Variants in GOLGA1 observed in about 807,000 individuals in gnomAD.
GOLGA1 encodes the protein golgin subfamily A member 1.
GOLGA1 carries 63 observed loss-of-function variants against 119.7 expected under a neutral mutation model. The observed-to-expected ratio is 0.53, with a 90% CI of 0.43 to 0.65. GOLGA1 has a LOEUF of 0.65. Among genes scored for constraint, GOLGA1 ranks in the 30% least tolerant of loss-of-function variants. The pLI is 0.00. For synonymous variants in GOLGA1, 318 were observed against 333.4 expected, an observed-to-expected ratio of 0.95 and a Z score of 0.50; for missense variants, 798 against 912.8, an observed-to-expected ratio of 0.87 and a Z score of 1.62.
intron 11 of GOLGA1, 40 bp downstream of exon 11, chr9:124,911,861 C>T (rs765770154): frequency 5.7e-6 from 9 of 1,586,454 alleles, no homozygotes; most frequent in African/African-American, 1.3e-5. Flanking sequence ...ATCAACCCTG[C>T]CTTTCCAACA....
At chr9:124,912,772 G>A (rs1794562029) in intron 10 of GOLGA1, among the ~76,000 whole-genome samples, 1 of 152,112 alleles carries the variant, frequency 6.6e-6, no homozygotes, top group Non-Finnish European at 1.5e-5. Flanking sequence ...TCAATCTCCT[G>A]TCCTCATGAT....
At chr9:124,943,466 C>G (rs1032563839), upstream of GOLGA1, 4 of 152,170 alleles carry the variant, frequency 2.6e-5, no homozygotes, top group Admixed American at 6.5e-5. Flanking sequence ...ATTAGCAGCA[C>G]TTGGATAAGA....
At chr9:124,906,437 A>G (rs1830234025) in intron 12 of GOLGA1, among the ~76,000 whole-genome samples, 1 of 150,624 alleles carries the variant, frequency 6.6e-6, no homozygotes. Flanking sequence ...TCTCAAAAAA[A>G]AAGAAAGATT....
chr9:124,937,223 G>A (rs1052716967), intron 3 of GOLGA1, among the ~76,000 whole-genome samples: 2 of 152,114 alleles, frequency 1.3e-5, no homozygotes, highest in South Asian at 2.1e-4. Flanking sequence ...GGAGACCGAC[G>A]CGGGAGGATC....
chr9:124,880,438 C>G lies in GOLGA1; in HGVS notation c.*92G>C, dbSNP rs1439158956. 5 of 750,648 alleles carry G rather than the reference C, an allele frequency of 6.7e-6. No homozygotes were observed. The highest frequency in any genetic ancestry group is 1.7e-5 in the African/African-American group (1 of 58,070). The allele number at this position is 750,648 out of a possible 1,614,324, so 46.5% of individuals were successfully genotyped here. A position where few individuals can be genotyped will look rare whatever the true frequency, so the allele number is the denominator to read the frequency against. ...ACACTTGTACAAAATACTGCAGTTA[C>G]AGTGATTAAAAACCCACCCAGACTG... On this transcript the variant is annotated 3_prime_UTR_variant, in exon 23 of 23. Transcript: ENST00000373555.
chr9:124,899,256 C>A, intron 14 of GOLGA1, 73 bp downstream of exon 14: 2 of 1,406,184 alleles, frequency 1.4e-6, no homozygotes, highest in Non-Finnish European at 9.6e-7. Flanking sequence ...GACACACTGT[C>A]AAGCACGAGG....
intron 15 of GOLGA1, among the ~76,000 whole-genome samples, chr9:124,892,682 C>T (rs948246646): frequency 1.3e-5 from 2 of 151,988 alleles, no homozygotes; most frequent in Admixed American, 1.3e-4. Flanking sequence ...CCTGTAATCC[C>T]AGCACTTTGG....
At chr9:124,922,333 G>A (rs1234225975) in intron 8 of GOLGA1, among the ~76,000 whole-genome samples, 2 of 151,560 alleles carry the variant, frequency 1.3e-5, no homozygotes, top group Admixed American at 6.6e-5. Flanking sequence ...CATGCATATC[G>A]TTTAAGCCCA....
At chr9:124,919,258 AAAAAGAAAAAAAAG>A (rs891525537) in intron 10 of GOLGA1, among the ~76,000 whole-genome samples, 3 of 152,162 alleles carry the variant, frequency 2.0e-5, no homozygotes, top group Admixed American at 6.5e-5. Context: ...GTGTCTCAAA[AAAAAGAAAAAAAAG>A]AAAAGAAAAA....
At chr9:124,909,903 T>A (rs1830308725) in intron 11 of GOLGA1, among the ~76,000 whole-genome samples, 2 of 152,100 alleles carry the variant, frequency 1.3e-5, no homozygotes, top group Non-Finnish European at 2.9e-5. Context: ...TAGCTGGAAT[T>A]ACAGGCACCC....
intron 14 of GOLGA1, 56 bp from the exon 15 acceptor site, chr9:124,898,700 G>C: frequency 9.8e-7 from 1 of 1,019,058 alleles, no homozygotes; most frequent in Non-Finnish European, 1.5e-6. Context: ...ATTTCCCTGG[G>C]CACAGGGAGC....
intron 19 of GOLGA1, among the ~76,000 whole-genome samples, chr9:124,887,799 C>T (rs1178987215): frequency 1.3e-5 from 2 of 152,174 alleles, no homozygotes; most frequent in Non-Finnish European, 2.9e-5. Context: ...TATTGAGCCT[C>T]TACCAAATAC....
chr9:124,923,714 C>T (rs1048626587), intron 7 of GOLGA1, among the ~76,000 whole-genome samples: 12 of 151,260 alleles, frequency 7.9e-5, no homozygotes, highest in African/African-American at 2.9e-4. Context: ...ATCTTGAACT[C>T]CTGGCCTCAA....
At chr9:124,924,191 C>T (rs1588090362) in intron 7 of GOLGA1, among the ~76,000 whole-genome samples, 1 of 152,156 alleles carries the variant, frequency 6.6e-6, no homozygotes, top group East Asian at 1.9e-4. Flanking sequence ...ACACACTGAA[C>T]TGGCTGAAAA....
At chr9:124,886,278 C>A (rs1045646419) in intron 19 of GOLGA1, among the ~76,000 whole-genome samples, 1 of 152,174 alleles carries the variant, frequency 6.6e-6, no homozygotes, top group African/African-American at 2.4e-5. Flanking sequence ...CAGAGAAGAG[C>A]TGTGAGGGCT....
chr9:124,941,121 G>C (rs950808418), upstream of GOLGA1: 1 of 151,900 alleles, frequency 6.6e-6, no homozygotes, highest in African/African-American at 2.4e-5. Context: ...CTGCGCGGTG[G>C]GGGGAGGGGG....
intron 7 of GOLGA1, among the ~76,000 whole-genome samples, chr9:124,926,148 G>A (rs112357515): frequency 3.2e-4 from 48 of 152,302 alleles, no homozygotes; most frequent in South Asian, 2.3e-3. Context: ...TCAAAGCTGT[G>A]GGATGGGTAA....
At chr9:124,903,935 C>T (rs1054326670) in intron 12 of GOLGA1, among the ~76,000 whole-genome samples, 9 of 151,606 alleles carry the variant, frequency 5.9e-5, no homozygotes, top group Admixed American at 4.6e-4. Context: ...TGTAGGCGCG[C>T]GCCTGTAGTC....
intron 12 of GOLGA1, among the ~76,000 whole-genome samples, chr9:124,903,651 C>CAAAAAAAAAAAAAA (rs11435294): frequency 2.2e-5 from 2 of 91,282 alleles, no homozygotes; most frequent in Admixed American, 1.4e-4. Context: ...AGAAAAAGAC[C>CAAAAAAAAAAAAAA]AAAAAAAAAA....
Sources: gnomAD v4.1 joint callset for allele counts (sites outside exome capture counted in the v4.1 genomes callset) on GRCh38, gnomAD v4.1.1 for gene constraint, MANE v1.5 for transcripts, NCBI Gene and HGNC (gene_info 2026-07-23, HGNC 2026-07-21) for gene names.